Variants in SRRM4 observed in about 807,000 individuals in gnomAD.
SRRM4 encodes serine/arginine repetitive matrix protein 4.
A neutral mutation model predicts 68.9 loss-of-function variants in SRRM4; 33 were observed. That is an observed-to-expected ratio of 0.48 (90% CI 0.36 to 0.64). SRRM4 has a LOEUF of 0.64. Among genes scored for constraint, SRRM4 ranks in the 30% least tolerant of loss-of-function variants. The pLI is 0.00. For synonymous variants in SRRM4, 318 were observed against 318.8 expected (o/e 1.00, Z 0.03); for missense variants, 817 against 827.1 (o/e 0.99, Z 0.15).
At chr12:119,155,742 A>C (rs1954467580) in intron 12 of SRRM4, among the ~76,000 whole-genome samples, 1 of 152,218 alleles carries the variant, frequency 6.6e-6, no homozygotes, top group Admixed American at 6.5e-5. Flanking sequence ...GTCTGAAAAA[A>C]TGTAATTAAT....
intron 8 of SRRM4, among the ~76,000 whole-genome samples, chr12:119,145,056 A>G (rs1402350232): frequency 4.0e-5 from 6 of 149,432 alleles, no homozygotes; most frequent in African/African-American, 1.5e-4. Flanking sequence ...CCCCCTTTCT[A>G]TTGAGTTGAC....
chr12:119,024,517 C>T (rs1222488231), intron 1 of SRRM4, among the ~76,000 whole-genome samples: 1 of 152,246 alleles, frequency 6.6e-6, no homozygotes, highest in Admixed American at 6.5e-5. Flanking sequence ...AGAAGCCCTG[C>T]TCCTCATAAG....
chr12:119,070,082 C>A (rs1412157118), intron 1 of SRRM4, among the ~76,000 whole-genome samples: 1 of 152,054 alleles, frequency 6.6e-6, no homozygotes, highest in Non-Finnish European at 1.5e-5. Flanking sequence ...CAATCTTGAT[C>A]CTTCTTAAAA....
intron 1 of SRRM4, among the ~76,000 whole-genome samples, chr12:119,048,478 C>T (rs1174535024): frequency 6.6e-6 from 1 of 152,150 alleles, no homozygotes; most frequent in Non-Finnish European, 1.5e-5. Flanking sequence ...GCCTGGGATA[C>T]AGTTTTCCAA....
chr12:119,016,330 C>T (rs1325323525), intron 1 of SRRM4, among the ~76,000 whole-genome samples: 1 of 151,930 alleles, frequency 6.6e-6, no homozygotes, highest in Non-Finnish European at 1.5e-5. Flanking sequence ...AGGAAATGAA[C>T]ACAATCCCCC....
chr12:119,040,249 ATGAG>A, intron 1 of SRRM4, among the ~76,000 whole-genome samples: 1 of 152,126 alleles, frequency 6.6e-6, no homozygotes, highest in East Asian at 1.9e-4. Context: ...ATTTGGTTAC[ATGAG>A]TAAGTTCTTT....
At chr12:119,124,045 C>T (rs1187604597) in intron 6 of SRRM4, among the ~76,000 whole-genome samples, 1 of 152,202 alleles carries the variant, frequency 6.6e-6, no homozygotes, top group Non-Finnish European at 1.5e-5. Flanking sequence ...TTTAAACTCT[C>T]TGTGCCTCAG....
chr12:119,134,209 G>T (rs1480327470), intron 8 of SRRM4, among the ~76,000 whole-genome samples: 2 of 152,012 alleles, frequency 1.3e-5, no homozygotes, highest in Admixed American at 6.5e-5. Flanking sequence ...ATGCAAATTT[G>T]GGGGTTGGTT....
At chr12:118,990,131 G>A (rs1296710730) in intron 1 of SRRM4, among the ~76,000 whole-genome samples, 1 of 152,164 alleles carries the variant, frequency 6.6e-6, no homozygotes, top group East Asian at 1.9e-4. Flanking sequence ...TTACAGATGA[G>A]AAAACAGAGG....
In SRRM4 at chr12:119,099,179, G is replaced by A. The variant is rs6490234; in HGVS notation, c.132-3057G>A. Among the ~76,000 whole-genome samples, 1,112 of 152,244 alleles carry A rather than the reference G, an allele frequency of 7.3e-3. 13 individuals are homozygous for A. The highest frequency in any genetic ancestry group is 0.025 in the African/African-American group (1,040 of 41,544). ...AGGCAGAGGCTCATTCTGTCACACA[G>A]GCTGGAGTGCAGTGGCATGATCTCA... On this transcript the variant is annotated intron_variant, in intron 1 of 12. Coordinates refer to ENST00000267260, the MANE Select transcript of SRRM4 (RefSeq NM_194286.4).
chr12:119,133,933 G>T (rs1314801334), intron 8 of SRRM4, among the ~76,000 whole-genome samples: 2 of 152,140 alleles, frequency 1.3e-5, no homozygotes, highest in Non-Finnish European at 2.9e-5. Context: ...ACAGGGGAGG[G>T]GACTGGGATT....
In SRRM4 at chr12:119,043,745, C is replaced by T. The variant is rs1953685153; in HGVS notation, c.132-58491C>T. 2.0e-5 allele frequency among the ~76,000 whole-genome samples: 3 copies of T among 148,550 alleles called. No homozygotes were observed. In the Admixed American group the frequency reaches 2.1e-4, roughly 10 times the overall value. ...AAGGGCGTAGGGGAACAGTGAGTTA[C>T]AAACACATACACATGCACACATACA... On this transcript the variant is annotated intron_variant, in intron 1 of 12. Transcript: ENST00000267260.
chr12:119,147,948 CA>C (rs1954414508), intron 9 of SRRM4, among the ~76,000 whole-genome samples: 1 of 152,220 alleles, frequency 6.6e-6, no homozygotes, highest in Non-Finnish European at 1.5e-5. Context: ...ACTTGTTTAT[CA>C]GGCAAGTCCT....
At chr12:119,150,123 T>C (rs1954429224) in intron 9 of SRRM4, among the ~76,000 whole-genome samples, 1 of 152,196 alleles carries the variant, frequency 6.6e-6, no homozygotes, top group African/African-American at 2.4e-5. Flanking sequence ...TAAACTCATT[T>C]TTAATATATA....
At chr12:119,032,141 TATA>T (rs1953595831) in intron 1 of SRRM4, among the ~76,000 whole-genome samples, 2 of 152,160 alleles carry the variant, frequency 1.3e-5, no homozygotes, top group South Asian at 2.1e-4. Context: ...TGAGTGATGG[TATA>T]ATAATATCTC....
intron 1 of SRRM4, among the ~76,000 whole-genome samples, chr12:119,042,831 T>A (rs1386250795): frequency 1.3e-5 from 2 of 151,144 alleles, no homozygotes; most frequent in African/African-American, 2.4e-5. Context: ...ATGAGAGGCA[T>A]GAAAGGGAAA....
At chr12:119,063,498 G>A (rs1437402658) in intron 1 of SRRM4, among the ~76,000 whole-genome samples, 3 of 152,168 alleles carry the variant, frequency 2.0e-5, no homozygotes, top group Non-Finnish European at 2.9e-5. Flanking sequence ...GGGAAAAGGC[G>A]AATCACTCTT....
chr12:119,132,852 G>A (rs939177849), intron 8 of SRRM4, among the ~76,000 whole-genome samples: 6 of 152,178 alleles, frequency 3.9e-5, no homozygotes, highest in African/African-American at 1.2e-4. Context: ...GCAAGGCAGA[G>A]TTATTTAAAA....
At chr12:118,993,556 A>G (rs1242250424) in intron 1 of SRRM4, among the ~76,000 whole-genome samples, 1 of 152,160 alleles carries the variant, frequency 6.6e-6, no homozygotes, top group Non-Finnish European at 1.5e-5. Context: ...CTGAAGGGGA[A>G]CAGGCCCCAA....
Sources: gnomAD v4.1 joint callset for allele counts (sites outside exome capture counted in the v4.1 genomes callset) on GRCh38, gnomAD v4.1.1 for gene constraint, MANE v1.5 for transcripts, NCBI Gene and HGNC (gene_info 2026-07-23, HGNC 2026-07-21) for gene names.